TPP2: variants seen among roughly 807,000 people sequenced by gnomAD.
TPP2 encodes the protein tripeptidyl-peptidase 2.
A neutral mutation model predicts 155.9 loss-of-function variants in TPP2; 34 were observed. The observed-to-expected ratio is 0.22, with a 90% CI of 0.17 to 0.29. TPP2 has a LOEUF of 0.29. Ranked by LOEUF, TPP2 falls within the 10% of genes least tolerant of loss-of-function variation. The pLI is 1.00. For synonymous variants in TPP2, 510 were observed against 529.4 expected (o/e 0.96, Z 0.50); for missense variants, 1,028 against 1,522.3 (o/e 0.68, Z 5.40).
chr13:102,618,087 G>T (rs1313403126), intron 4 of TPP2, among the ~76,000 whole-genome samples: 1 of 152,050 alleles, frequency 6.6e-6, no homozygotes, highest in Non-Finnish European at 1.5e-5. Flanking sequence ...TACACTCTAG[G>T]TTAGAGAAAT....
intron 2 of TPP2, among the ~76,000 whole-genome samples, chr13:102,613,811 C>A (rs1232454734): frequency 6.6e-6 from 1 of 152,134 alleles, no homozygotes; most frequent in Non-Finnish European, 1.5e-5. Context: ...AAGATTATTA[C>A]AAGATTTTAG....
At chr13:102,666,094 G>A (rs1019256859) in intron 27 of TPP2, among the ~76,000 whole-genome samples, 1 of 152,154 alleles carries the variant, frequency 6.6e-6, no homozygotes, top group South Asian at 2.1e-4. Context: ...AGGGACTATT[G>A]AGGGCATTTT....
chr13:102,614,702 C>T (rs772981694), intron 3 of TPP2, among the ~76,000 whole-genome samples: 1 of 152,012 alleles, frequency 6.6e-6, no homozygotes, highest in Non-Finnish European at 1.5e-5. Context: ...TACCAGTGTG[C>T]CATTAGAAAA....
At chr13:102,654,010 A>T (rs972475859) in intron 24 of TPP2, among the ~76,000 whole-genome samples, 2 of 152,174 alleles carry the variant, frequency 1.3e-5, no homozygotes, top group African/African-American at 4.8e-5. Flanking sequence ...AGAAATCTTC[A>T]TAGCATTTCT....
chr13:102,630,015 C>T (rs1881911217), intron 9 of TPP2, 81 bp from the exon 10 acceptor site: 1 of 1,136,808 alleles, frequency 8.8e-7, no homozygotes, highest in South Asian at 1.3e-5. Flanking sequence ...AGAGATTAGG[C>T]AGTTTACTCA....
intron 17 of TPP2, 42 bp downstream of exon 17, chr13:102,643,418 G>A: frequency 6.5e-7 from 1 of 1,530,964 alleles, no homozygotes; most frequent in Non-Finnish European, 8.8e-7. Flanking sequence ...CAATTTATTT[G>A]CCTTTTTGGT....
chr13:102,645,341 G>A (rs1053767627), intron 19 of TPP2, among the ~76,000 whole-genome samples: 3 of 152,292 alleles, frequency 2.0e-5, no homozygotes, highest in Non-Finnish European at 4.4e-5. Context: ...GTCATTTTTA[G>A]AAACTGCAAT....
At chr13:102,670,076 C>A (rs1292529793) in intron 27 of TPP2, among the ~76,000 whole-genome samples, 1 of 152,002 alleles carries the variant, frequency 6.6e-6, no homozygotes, top group African/African-American at 2.4e-5. Flanking sequence ...AAATCCAGAA[C>A]AAGTGAGGGA....
intron 25 of TPP2, among the ~76,000 whole-genome samples, chr13:102,660,354 C>G (rs1446201442): frequency 6.6e-6 from 1 of 151,638 alleles, no homozygotes. Context: ...CCAAATATAT[C>G]AATAATTTAA....
At chr13:102,647,082 T>A in intron 20 of TPP2, 125 bp from the exon 21 acceptor site, 1 of 1,252,468 alleles carries the variant, frequency 8.0e-7, no homozygotes, top group Non-Finnish European at 1.1e-6. Context: ...ATTTTCAAAA[T>A]TTTTTACCAC....
At chr13:102,646,061 AT>A (rs986238279) in intron 19 of TPP2, among the ~76,000 whole-genome samples, 92 of 152,332 alleles carry the variant, frequency 6.0e-4, no homozygotes, top group African/African-American at 2.1e-3. Context: ...CCATGAAAAG[AT>A]TGCCTTTGTC....
At chr13:102,641,586 G>A (rs922599987) in intron 16 of TPP2, among the ~76,000 whole-genome samples, 2 of 152,088 alleles carry the variant, frequency 1.3e-5, no homozygotes, top group East Asian at 1.9e-4. Context: ...ATAACTGGTT[G>A]TATTTGGTTC....
intron 3 of TPP2, among the ~76,000 whole-genome samples, chr13:102,616,120 C>A (rs1232597940): frequency 6.6e-6 from 1 of 152,056 alleles, no homozygotes; most frequent in African/African-American, 2.4e-5. Flanking sequence ...CCCCACCTGG[C>A]TAATTTTTGT....
At chr13:102,600,678 ATATG>A in intron 1 of TPP2, among the ~76,000 whole-genome samples, 4 of 152,354 alleles carry the variant, frequency 2.6e-5, no homozygotes, top group Admixed American at 2.6e-4. Context: ...GAAAAAATAT[ATATG>A]GGCATAATGA....
At chr13:102,630,556 G>A (rs539761132) in intron 10 of TPP2, among the ~76,000 whole-genome samples, 1 of 152,234 alleles carries the variant, frequency 6.6e-6, no homozygotes, top group African/African-American at 2.4e-5. Context: ...AAAGCCCTAA[G>A]CTTTTATAAA....
chr13:102,667,472 A>G (rs1330812169), intron 27 of TPP2, among the ~76,000 whole-genome samples: 1 of 152,236 alleles, frequency 6.6e-6, no homozygotes, highest in Non-Finnish European at 1.5e-5. Context: ...AAATTGCCAG[A>G]TAGGAAATTA....
At chr13:102,646,455 G>A (rs988334227) in intron 20 of TPP2, 65 bp downstream of exon 20, 40 of 1,313,786 alleles carry the variant, frequency 3.0e-5, no homozygotes, top group Non-Finnish European at 4.0e-5. Flanking sequence ...ATGATTCATA[G>A]AATCAAAAAT....
At chr13:102,669,176 C>T (rs527302380) in intron 27 of TPP2, among the ~76,000 whole-genome samples, 34 of 152,256 alleles carry the variant, frequency 2.2e-4, no homozygotes, top group African/African-American at 5.1e-4. Flanking sequence ...TGAAATTTAT[C>T]GTTTAGATTT....
chr13:102,629,519 C>T lies in TPP2; in HGVS notation c.1054C>T (p.His352Tyr), dbSNP rs550921536. ...CEVINEAVWKHNIIYVSSAGN... is the reference protein window; with the variant it reads ...CEVINEAVWKYNIIYVSSAGN... ...AGTAATTAATGAAGCAGTATGGAAG[C>T]ATAATATAATTTATGTTTCAAGTGC... The change falls in exon 9 of 30, where the codon CAT becomes TAT. Residue 352 changes from histidine to tyrosine, a missense_variant. By Grantham distance (83) the His-to-Tyr change is moderately conservative. Around this residue, in one of 7 missense-constraint regions of TPP2, gnomAD observed 63 missense variants for 165.7 expected, o/e 0.38. Coordinates refer to ENST00000376052, the MANE Select transcript of TPP2 (RefSeq NM_001330588.2). 6.5e-7 allele frequency: 1 copy of T among 1,529,382 alleles called. No homozygotes were observed. Among genetic ancestry groups the T allele is most frequent in the African/African-American group, 1.4e-5 (1 of 69,620 alleles). The allele number at this position is 1,529,382 out of a possible 1,614,324, so 94.7% of individuals were successfully genotyped here. A position where few individuals can be genotyped will look rare whatever the true frequency, so the allele number is the denominator to read the frequency against.
Sources: gnomAD v4.1 joint callset for allele counts (sites outside exome capture counted in the v4.1 genomes callset) on GRCh38, gnomAD v4.1.1 for gene constraint, gnomAD v4.1.1 regional missense constraint, MANE v1.5 for transcripts, NCBI Gene and HGNC (gene_info 2026-07-23, HGNC 2026-07-21) for gene names.